Variants in EXT1 observed in about 807,000 individuals in gnomAD.
EXT1 encodes the protein exostosin-1.
EXT1 carries 20 observed loss-of-function variants against 82.5 expected under a neutral mutation model. That is an observed-to-expected ratio of 0.24 (90% confidence interval 0.17 to 0.35). The LOEUF (loss-of-function observed/expected upper bound fraction) is 0.35, where lower values mean the gene tolerates loss of function less well. EXT1 is among the 10% of genes least tolerant of loss of function. The pLI is 1.00. For synonymous variants in EXT1, 348 were observed against 350.8 expected, an observed-to-expected ratio of 0.99 and a Z score of 0.09; for missense variants, 757 against 936.5, an observed-to-expected ratio of 0.81 and a Z score of 2.50.
At chr8:118,090,809 A>AAAAAAAAAAAAAAAAAT (rs1817510346) in intron 1 of EXT1, among the ~76,000 whole-genome samples, 1 of 140,704 alleles carries the variant, frequency 7.1e-6, no homozygotes, top group African/African-American at 2.6e-5. Flanking sequence ...AAAAAAAAAA[A>AAAAAAAAAAAAAAAAAT]GCATGTGCCT....
intron 1 of EXT1, among the ~76,000 whole-genome samples, chr8:118,039,159 T>C (rs17476637): frequency 0.025 from 3,827 of 152,340 alleles, 149 homozygotes; most frequent in African/African-American, 0.086. Context: ...TTTTGTGCCA[T>C]CATCTAATTC....
Position 117,795,686 on chromosome 8 carries a change from A to G in EXT1, c.*4026T>C, listed in dbSNP as rs1823079885. 1 of 152,132 alleles carries G rather than the reference A, an allele frequency of 6.6e-6. No homozygotes were observed. Among genetic ancestry groups the G allele is most frequent in the Non-Finnish European group, 1.5e-5 (1 of 68,090 alleles). The allele number at this position is 152,132 out of a possible 1,614,324, so 9.4% of individuals were successfully genotyped here. On this transcript the variant is annotated 3_prime_UTR_variant, in exon 11 of 11. Transcript: ENST00000378204. Reference sequence around the variant, plus strand: ...GTAGCACATGCCTGTAATCCCAACTACTAAGCAGGGTGAGGCAGGAGAATT... The same window carrying G: ...GTAGCACATGCCTGTAATCCCAACTGCTAAGCAGGGTGAGGCAGGAGAATT...
At chr8:117,870,984 G>A (rs17479474) in intron 1 of EXT1, among the ~76,000 whole-genome samples, 7,201 of 152,146 alleles carry the variant, frequency 0.047, 400 homozygotes, top group African/African-American at 0.14. Flanking sequence ...AGAGAAAAAA[G>A]GTTAAAAGAG....
At chr8:118,033,489 A>G (rs897946095) in intron 1 of EXT1, among the ~76,000 whole-genome samples, 6 of 152,158 alleles carry the variant, frequency 3.9e-5, no homozygotes, top group Admixed American at 6.5e-5. Context: ...TCATGCATTC[A>G]TTCATTCGAG....
chr8:118,087,330 C>T (rs1179536835), intron 1 of EXT1, among the ~76,000 whole-genome samples: 1 of 152,180 alleles, frequency 6.6e-6, no homozygotes, highest in Non-Finnish European at 1.5e-5. Flanking sequence ...CAGATATTCA[C>T]ATACTAAAAC....
intron 1 of EXT1, among the ~76,000 whole-genome samples, chr8:117,892,249 T>A (rs1054019596): frequency 6.6e-6 from 1 of 152,220 alleles, no homozygotes; most frequent in Non-Finnish European, 1.5e-5. Context: ...CACAGGCCAC[T>A]GCTAAGTGAT....
chr8:117,832,360 C>G (rs757540279), intron 3 of EXT1, among the ~76,000 whole-genome samples: 1 of 151,968 alleles, frequency 6.6e-6, no homozygotes, highest in Non-Finnish European at 1.5e-5. Context: ...CCCATCTCTA[C>G]TAAAAATACA....
At chr8:117,835,938 C>T (rs1007413204) in intron 2 of EXT1, among the ~76,000 whole-genome samples, 6 of 152,178 alleles carry the variant, frequency 3.9e-5, no homozygotes, top group Non-Finnish European at 7.4e-5. Context: ...CAACGTAACT[C>T]CCACAAGTCC....
chr8:118,014,693 GC>G (rs995294646), intron 1 of EXT1, among the ~76,000 whole-genome samples: 14 of 152,042 alleles, frequency 9.2e-5, no homozygotes, highest in Non-Finnish European at 8.8e-5. Context: ...CCTCGCCTCA[GC>G]CCCGAAAGTG....
chr8:118,033,023 T>C (rs1816355785), intron 1 of EXT1, among the ~76,000 whole-genome samples: 1 of 152,230 alleles, frequency 6.6e-6, no homozygotes, highest in Non-Finnish European at 1.5e-5. Flanking sequence ...GGTTGCTGCC[T>C]ATCTGGCTGT....
intron 1 of EXT1, among the ~76,000 whole-genome samples, chr8:118,069,736 C>A (rs893807771): frequency 1.3e-5 from 2 of 149,212 alleles, no homozygotes; most frequent in African/African-American, 4.9e-5. Context: ...GTTTTTATTT[C>A]TTTTTTTTTT....
At chr8:118,031,277 T>G (rs1191520696) in intron 1 of EXT1, among the ~76,000 whole-genome samples, 2 of 152,092 alleles carry the variant, frequency 1.3e-5, no homozygotes, top group Non-Finnish European at 2.9e-5. Context: ...TCTCAGCACT[T>G]TAGGAGGCCG....
chr8:118,062,406 GACC>G (rs1162060068), intron 1 of EXT1, among the ~76,000 whole-genome samples: 1 of 152,128 alleles, frequency 6.6e-6, no homozygotes, highest in Non-Finnish European at 1.5e-5. Context: ...TATATACAAA[GACC>G]ACTCAAGGAC....
intron 1 of EXT1, among the ~76,000 whole-genome samples, chr8:117,961,117 T>TTTCCCTCC (rs56326334): frequency 0.71 from 106,429 of 149,774 alleles, 38,441 homozygotes; most frequent in African/African-American, 0.82. Flanking sequence ...AAAGCATTTC[T>TTTCCCTCC]TTCCCTCCTT....
rs1463934380 is a variant in EXT1, at chr8:117,936,352, A to G, written c.963-99151T>C. On this transcript the variant is annotated intron_variant, in intron 1 of 10. Transcript: ENST00000378204. ...ATCCTATGCACTTTGTGAGTCAAAT[A>G]AATTTCCATTGGTTAAGAAGTGTGA... is the stretch of plus-strand genomic sequence containing the variant. 2.0e-5 allele frequency among the ~76,000 whole-genome samples: 3 copies of G among 152,326 alleles called. No individual in the cohort carries two copies. The East Asian group carries it at 5.8e-4, about 29-fold the overall frequency.
chr8:117,989,978 C>T (rs1448052462), intron 1 of EXT1, among the ~76,000 whole-genome samples: 1 of 152,188 alleles, frequency 6.6e-6, no homozygotes, highest in Non-Finnish European at 1.5e-5. Flanking sequence ...TTGATACCAG[C>T]CTGGCCAACA....
At chr8:118,044,418 T>C (rs1816586156) in intron 1 of EXT1, among the ~76,000 whole-genome samples, 1 of 152,056 alleles carries the variant, frequency 6.6e-6, no homozygotes, top group Admixed American at 6.5e-5. Context: ...ATGATTTTTT[T>C]TTTTTTGAGA....
Position 118,088,676 on chromosome 8 carries a change from T to A in EXT1, c.962+21409A>T, listed in dbSNP as rs1328494231. 3.2e-5 allele frequency among the ~76,000 whole-genome samples: 4 copies of A among 124,940 alleles called. No homozygotes were observed. The East Asian group carries it at 8.4e-4, about 26-fold the overall frequency. 82.0% of individuals were successfully genotyped at this position (124,940 alleles called of 152,430 possible). On this transcript the variant is annotated intron_variant, in intron 1 of 10. Transcript: ENST00000378204. The stretch of plus-strand genomic sequence containing the variant: ...TAGCCCCACAATGAGAAAAATGTGA[T>A]GCCTTCTCTTTTTTTTTTTTTTCCT...
intron 1 of EXT1, among the ~76,000 whole-genome samples, chr8:117,982,293 A>G (rs1038767828): frequency 1.3e-5 from 2 of 152,166 alleles, no homozygotes; most frequent in African/African-American, 4.8e-5. Context: ...GGTCACTCAC[A>G]GCTACCACAG....
Sources: allele counts gnomAD v4.1 joint callset (sites outside exome capture counted in the v4.1 genomes callset), GRCh38; gene constraint gnomAD v4.1.1; transcripts MANE v1.5; gene names NCBI Gene and HGNC (gene_info 2026-07-23, HGNC 2026-07-21).